Variants in PIK3C3 observed in about 807,000 individuals in gnomAD.
PIK3C3 encodes the protein phosphatidylinositol 3-kinase catalytic subunit type 3.
PIK3C3 carries 95 observed loss-of-function variants against 126.1 expected under a neutral mutation model. The observed-to-expected ratio is 0.75, with a 90% CI of 0.64 to 0.89. PIK3C3 has a LOEUF of 0.89. Ranked by LOEUF, PIK3C3 falls within the 40% of genes least tolerant of loss-of-function variation. The pLI is 0.00. For missense variants in PIK3C3, 829 were observed against 1,063.2 expected, an observed-to-expected ratio of 0.78 and a Z score of 3.06; for synonymous variants, 374 against 360.0, an observed-to-expected ratio of 1.04 and a Z score of -0.44.
At chr18:42,051,978 A>G (rs1349234120) in intron 21 of PIK3C3, among the ~76,000 whole-genome samples, 1 of 151,484 alleles carries the variant, frequency 6.6e-6, no homozygotes. Flanking sequence ...GTATAATAAT[A>G]ATAATAAAAT....
chr18:41,998,911 C>T (rs1161715892), intron 9 of PIK3C3, among the ~76,000 whole-genome samples: 1 of 152,142 alleles, frequency 6.6e-6, no homozygotes, highest in African/African-American at 2.4e-5. Flanking sequence ...TAGCGTCAGA[C>T]TCTCAGAAAT....
intron 9 of PIK3C3, among the ~76,000 whole-genome samples, chr18:41,999,477 A>G (rs951430511): frequency 2.0e-5 from 3 of 152,188 alleles, no homozygotes; most frequent in Non-Finnish European, 2.9e-5. Flanking sequence ...AGACAGTGAC[A>G]TGAGGACAAT....
Position 42,083,944 on chromosome 18 carries a change from T to A in PIK3C3, c.*2807T>A, listed in dbSNP as rs955790433. ...TTGTGGGTATGTGGTCCATTCAGCT[T>A]TAATCCCCAGAAGACAAGGCTTATT... On this transcript the variant is annotated 3_prime_UTR_variant, in exon 25 of 25. Coordinates refer to ENST00000262039, the MANE Select transcript of PIK3C3 (RefSeq NM_002647.4). 1.3e-5 allele frequency: 2 copies of A among 152,176 alleles called. No individual in the cohort carries two copies. Among genetic ancestry groups the A allele is most frequent in the African/African-American group, 2.4e-5 (1 of 41,442 alleles). 9.4% of individuals were successfully genotyped at this position (152,176 alleles called of 1,614,324 possible). A position where few individuals can be genotyped will look rare whatever the true frequency, so the allele number is the denominator to read the frequency against.
At chr18:41,967,862 A>G (rs1980450423) in intron 3 of PIK3C3, among the ~76,000 whole-genome samples, 1 of 152,202 alleles carries the variant, frequency 6.6e-6, no homozygotes, top group South Asian at 2.1e-4. Flanking sequence ...GCAAGCTGGA[A>G]TATCAACAGC....
In PIK3C3 at chr18:42,027,569, T is replaced by C; in HGVS notation, c.1590+21T>C. The C allele has an allele frequency of 2.0e-6, 3 of 1,469,958 alleles. No homozygotes were observed. In the East Asian group the frequency reaches 6.9e-5, roughly 34 times the overall value. 91.1% of individuals were successfully genotyped at this position (1,469,958 alleles called of 1,614,324 possible). On this transcript the variant is annotated intron_variant, in intron 14 of 24. Transcript: ENST00000262039. ...TGAAGGTAACCCTTAAATGTGAGGG[T>C]TGGCAAACTGCAGCACATGGGCCAA...
chr18:41,959,849 A>T lies in PIK3C3; in HGVS notation c.257+2091A>T, dbSNP rs577474683. ...GAGAAAACATTTGCACATTTTATACATCCTGCTCTTTAGTATTCGAAAGTT... is the reference window on the plus strand; with the variant it reads ...GAGAAAACATTTGCACATTTTATACTTCCTGCTCTTTAGTATTCGAAAGTT... On this transcript the variant is annotated intron_variant, in intron 2 of 24. Transcript: ENST00000262039. Among the ~76,000 whole-genome samples the T allele has an allele frequency of 1.9e-4, 29 of 152,284 alleles. No homozygotes were observed. The South Asian group carries it at 6.0e-3, about 32-fold the overall frequency.
At chr18:42,070,984 T>G (rs1239041079) in intron 24 of PIK3C3, among the ~76,000 whole-genome samples, 4 of 152,224 alleles carry the variant, frequency 2.6e-5, no homozygotes, top group African/African-American at 4.8e-5. Flanking sequence ...TTTCCTAGGT[T>G]CCTGTTTTCT....
Position 42,084,396 on chromosome 18 carries a change from C to T in PIK3C3, c.*3259C>T, listed in dbSNP as rs1347391356. Reference sequence around the variant, plus strand: ...ATTTTTTACAAGTAAATTTGAAGAACAATGTGAACTTTCTATAATTATATA... The same window carrying T: ...ATTTTTTACAAGTAAATTTGAAGAATAATGTGAACTTTCTATAATTATATA... On this transcript the variant is annotated 3_prime_UTR_variant, in exon 25 of 25. Coordinates refer to ENST00000262039, the MANE Select transcript of PIK3C3 (RefSeq NM_002647.4). 6.6e-6 allele frequency: 1 copy of T among 151,842 alleles called. No homozygotes were observed. Among genetic ancestry groups the T allele is most frequent in the Non-Finnish European group, 1.5e-5 (1 of 67,940 alleles). The allele number at this position is 151,842 out of a possible 1,614,324, so 9.4% of individuals were successfully genotyped here. A position where few individuals can be genotyped will look rare whatever the true frequency, so the allele number is the denominator to read the frequency against.
At chr18:42,048,010 C>T (rs745598949) in intron 20 of PIK3C3, among the ~76,000 whole-genome samples, 44 of 152,274 alleles carry the variant, frequency 2.9e-4, no homozygotes, top group Non-Finnish European at 5.7e-4. Flanking sequence ...ATGAGTATGA[C>T]TGTGTTCAAA....
At chr18:41,995,087 T>C (rs1315859352) in intron 7 of PIK3C3, among the ~76,000 whole-genome samples, 2 of 151,982 alleles carry the variant, frequency 1.3e-5, no homozygotes, top group Non-Finnish European at 1.5e-5. Flanking sequence ...GGAAAGACTT[T>C]TTAACTGTGA....
At chr18:42,018,034 C>T (rs968101871) in intron 12 of PIK3C3, among the ~76,000 whole-genome samples, 3 of 151,594 alleles carry the variant, frequency 2.0e-5, no homozygotes, top group African/African-American at 7.3e-5. Context: ...CTAAATCCTT[C>T]TCCCTCCACC....
rs189586392 is a variant in PIK3C3 at position 42,018,788 on chromosome 18, C to T, written c.1417-1850C>T. ...TTAGTTATTATTTTATTAGTACCTG[C>T]AGTTCCCCTGGCAAAAATCTCAACT... On this transcript the variant is annotated intron_variant, in intron 12 of 24. Transcript: ENST00000262039. Among the ~76,000 whole-genome samples the T allele has an allele frequency of 1.4e-4, 21 of 152,190 alleles. No homozygotes were observed. In the East Asian group the frequency reaches 2.1e-3, roughly 15 times the overall value.
Position 42,082,782 on chromosome 18 carries a change from A to G in PIK3C3, c.*1645A>G, listed in dbSNP as rs974226567. Reference sequence around the variant, plus strand: ...GTAAATATCTTCAGCTTTGGGGGGCATATGATCCCAATAGCATCAACTTAA... The same window carrying G: ...GTAAATATCTTCAGCTTTGGGGGGCGTATGATCCCAATAGCATCAACTTAA... On this transcript the variant is annotated 3_prime_UTR_variant, in exon 25 of 25. Coordinates refer to ENST00000262039, the MANE Select transcript of PIK3C3 (RefSeq NM_002647.4). The G allele has an allele frequency of 7.2e-5, 11 of 152,190 alleles. No homozygotes were observed. The highest frequency in any genetic ancestry group is 1.9e-4 in the African/African-American group (8 of 41,448). The allele number at this position is 152,190 out of a possible 1,614,324, so 9.4% of individuals were successfully genotyped here.
chr18:42,037,579 A>T, intron 16 of PIK3C3, 113 bp from the exon 17 acceptor site: 1 of 892,390 alleles, frequency 1.1e-6, no homozygotes, highest in Non-Finnish European at 1.7e-6. Flanking sequence ...CTTGTTTTTT[A>T]GGTCCTATTT....
chr18:42,043,342 C>T (rs554003499), intron 19 of PIK3C3, among the ~76,000 whole-genome samples: 29 of 152,122 alleles, frequency 1.9e-4, no homozygotes, highest in Non-Finnish European at 4.0e-4. Flanking sequence ...CTGCCCACCT[C>T]GGCCTCCCAA....
chr18:42,052,108 A>T (rs1252942234), intron 21 of PIK3C3, among the ~76,000 whole-genome samples: 1 of 152,106 alleles, frequency 6.6e-6, no homozygotes, highest in Non-Finnish European at 1.5e-5. Context: ...ACAATCAGAC[A>T]GTGTAAAAAA....
chr18:42,000,694 CATG>C (rs1982244158), intron 9 of PIK3C3, among the ~76,000 whole-genome samples: 1 of 152,116 alleles, frequency 6.6e-6, no homozygotes, highest in South Asian at 2.1e-4. Context: ...GCCTCACAAT[CATG>C]ATGGAAGGCA....
At chr18:41,995,795 T>C (rs1781495553) in intron 7 of PIK3C3, 95 bp from the exon 8 acceptor site, 1 of 807,378 alleles carries the variant, frequency 1.2e-6, no homozygotes, top group East Asian at 2.6e-5. Flanking sequence ...TTAGATATTA[T>C]TAAATGCTCC....
In PIK3C3 at chr18:42,004,409, A is replaced by G. The variant is rs1251851794; in HGVS notation, c.1038A>G (p.Lys346=). The change falls in exon 10 of 25, where the codon AAA becomes AAG. Residue 346 remains lysine (K), a synonymous_variant. Coordinates refer to ENST00000262039, the MANE Select transcript of PIK3C3 (RefSeq NM_002647.4). The part of the protein sequence containing the change: ...CVNWDLPQEA[K]QALELLGKWK... ...ATTGGGATCTACCTCAAGAGGCCAA[A>G]CAGGCCTTGGAACTTCTGGGAAAAT... 6.2e-7 allele frequency: 1 copy of G among 1,613,580 alleles called. No homozygotes were observed. Among genetic ancestry groups the G allele is most frequent in the East Asian group, 2.2e-5 (1 of 44,832 alleles).
Sources: gnomAD v4.1 joint callset for allele counts (sites outside exome capture counted in the v4.1 genomes callset) on GRCh38, gnomAD v4.1.1 for gene constraint, MANE v1.5 for transcripts, NCBI Gene and HGNC (gene_info 2026-07-23, HGNC 2026-07-21) for gene names.